Variants in TGM2 observed in about 807,000 individuals in gnomAD.
The protein encoded by TGM2 is protein-glutamine gamma-glutamyltransferase 2.
Under a neutral mutation model 75.6 loss-of-function variants are expected in TGM2, and 53 were observed. The ratio of observed to expected loss-of-function variants is 0.70; its 90% CI spans 0.56 to 0.88. The LOEUF is 0.88. Ranked by LOEUF, TGM2 falls within the 40% of genes least tolerant of loss-of-function variation. The probability of loss-of-function intolerance (pLI) is 0.00; values close to 1 mark genes in which losing one functional copy is unlikely to be tolerated. For missense variants in TGM2, 842 were observed against 928.5 expected, an observed-to-expected ratio of 0.91 and a Z score of 1.21; for synonymous variants, 374 against 381.1, an observed-to-expected ratio of 0.98 and a Z score of 0.22.
intron 5 of TGM2, among the ~76,000 whole-genome samples, 170 bp from the exon 6 acceptor site, chr20:38,147,064 G>A (rs2075055347): frequency 6.6e-6 from 1 of 152,106 alleles, no homozygotes; most frequent in Admixed American, 6.5e-5. Flanking sequence ...GCGGCAGATG[G>A]TGGGGGCTGG....
intron 11 of TGM2, among the ~76,000 whole-genome samples, chr20:38,131,513 G>T (rs1412744017): frequency 1.3e-5 from 2 of 152,094 alleles, no homozygotes; most frequent in Non-Finnish European, 2.9e-5. Context: ...AAGATCACAG[G>T]CTTTTGAGCC....
At position 38,131,115 on chromosome 20, in the gene TGM2, C is replaced by T. The variant is rs755802231; in HGVS notation, c.1891G>A (p.Glu631Lys). Residue 631 changes from glutamate to lysine, a missense_variant, in exon 12 of 13, where the codon GAG becomes AAG. By Grantham distance (56) the Glu-to-Lys change is moderately conservative (BLOSUM62 1). Coordinates refer to ENST00000361475, the MANE Select transcript of TGM2 (RefSeq NM_004613.4). The part of the protein sequence containing the change: ...TFTVEGAGLT[E>K]EQKTVEIPDP... ...TACATCTCCACCGTCTTCTGCTCCT[C>T]AGTCAGGCCGGCCCCCTCCACAGTG... 6.2e-7 allele frequency: 1 copy of T among 1,613,090 alleles called. No individual in the cohort carries two copies. Among genetic ancestry groups the T allele is most frequent in the East Asian group, 2.2e-5 (1 of 44,882 alleles).
rs1055587931 is a variant in TGM2 at position 38,128,685 on chromosome 20, T to C, written c.*1534A>G. 6.6e-6 allele frequency: 1 copy of C among 152,216 alleles called. No individual in the cohort carries two copies. The highest frequency in any genetic ancestry group is 1.5e-5 in the Non-Finnish European group (1 of 68,028). The allele number at this position is 152,216 out of a possible 1,614,324, so 9.4% of individuals were successfully genotyped here. On this transcript the variant is annotated 3_prime_UTR_variant, in exon 13 of 13. Transcript: ENST00000361475. ...TTCTCTCCAAGTCCTTCCCTGGGAT[T>C]TGGGGGGCCCTGGAGGCTGTGATCT...
In TGM2 at chr20:38,130,034, G is replaced by A. The variant is rs762427726; in HGVS notation, c.*185C>T. ...GCATTCCTCACAGCAAAGGGGGTGAGTGGGGACCCACAGGCTCAGGAGGCT... is the reference window on the plus strand; with the variant it reads ...GCATTCCTCACAGCAAAGGGGGTGAATGGGGACCCACAGGCTCAGGAGGCT... On this transcript the variant is annotated 3_prime_UTR_variant, in exon 13 of 13. Coordinates refer to ENST00000361475, the MANE Select transcript of TGM2 (RefSeq NM_004613.4). 3 of 734,418 alleles carry A rather than the reference G, an allele frequency of 4.1e-6. No homozygotes were observed. The highest frequency in any genetic ancestry group is 1.8e-5 in the African/African-American group (1 of 56,760). 45.5% of individuals were successfully genotyped at this position (734,418 alleles called of 1,614,324 possible).
In TGM2 at chr20:38,147,853, A is replaced by C. The variant is rs145033775; in HGVS notation, c.681+108T>G. ...AAGGTCTTTTCCCCAAGACTTACCC[A>C]TCTCCCGGGTCCCCCACCGCGCCTA... On this transcript the variant is annotated intron_variant, in intron 5 of 12. Transcript: ENST00000361475. 6.0e-5 allele frequency: 89 copies of C among 1,491,406 alleles called. No individual in the cohort carries two copies. In the African/African-American group the frequency reaches 1.1e-3, roughly 18 times the overall value. The allele number at this position is 1,491,406 out of a possible 1,614,324, so 92.4% of individuals were successfully genotyped here. A position where few individuals can be genotyped will look rare whatever the true frequency, so the allele number is the denominator to read the frequency against.
chr20:38,150,810 T>C (rs1186476913), intron 4 of TGM2, 129 bp downstream of exon 4: 5 of 811,986 alleles, frequency 6.2e-6, no homozygotes, highest in East Asian at 2.5e-5. Context: ...GGCCTTTGCA[T>C]CCCTGACAGC....
At chr20:38,141,844 G>A (rs2074979099) in intron 7 of TGM2, among the ~76,000 whole-genome samples, 1 of 151,570 alleles carries the variant, frequency 6.6e-6, no homozygotes, top group African/African-American at 2.4e-5. Flanking sequence ...CCCCTAATGT[G>A]GCATTCCAGA....
At position 38,129,004 on chromosome 20, in the gene TGM2, G is replaced by A. The variant is rs944155020; in HGVS notation, c.*1215C>T. On this transcript the variant is annotated 3_prime_UTR_variant, in exon 13 of 13. Transcript: ENST00000361475. ...CTCTTCTCCCCTAGAACTGGGGTCT[G>A]AAGGGTGGTACCTGGGCATAGGAAG... 9 of 152,518 alleles carry A rather than the reference G, an allele frequency of 5.9e-5. No homozygotes were observed. The highest frequency in any genetic ancestry group is 2.2e-4 in the African/African-American group (9 of 41,428). 9.4% of individuals were successfully genotyped at this position (152,518 alleles called of 1,614,324 possible). A position where few individuals can be genotyped will look rare whatever the true frequency, so the allele number is the denominator to read the frequency against.
chr20:38,144,800 C>G (rs1427264452), intron 6 of TGM2, among the ~76,000 whole-genome samples: 2 of 152,184 alleles, frequency 1.3e-5, no homozygotes, highest in Non-Finnish European at 2.9e-5. Flanking sequence ...CCACAGTGGT[C>G]AGACAGCCCT....
intron 1 of TGM2, among the ~76,000 whole-genome samples, chr20:38,164,599 A>G (rs959587921): frequency 2.0e-5 from 3 of 152,178 alleles, no homozygotes; most frequent in Admixed American, 1.3e-4. Flanking sequence ...ACCTTGTCCT[A>G]TAAAATAAGG....
intron 10 of TGM2, among the ~76,000 whole-genome samples, chr20:38,137,166 GCTGT>G (rs1225147494): frequency 3.3e-5 from 5 of 152,344 alleles, no homozygotes; most frequent in South Asian, 4.1e-4. Context: ...GCCACATGTG[GCTGT>G]CTAACTTTCA....
intron 10 of TGM2, 111 bp from the exon 11 acceptor site, chr20:38,132,611 C>A: frequency 6.9e-7 from 1 of 1,445,982 alleles, no homozygotes. Context: ...GGTCACACAG[C>A]GGGGGAATGG....
At chr20:38,142,290 C>T in intron 6 of TGM2, 91 bp from the exon 7 acceptor site, 1 of 1,577,430 alleles carries the variant, frequency 6.3e-7, no homozygotes. Flanking sequence ...CCAGGGAACA[C>T]TGTACCTGCT....
chr20:38,150,163 A>C (rs1383963743), intron 4 of TGM2, among the ~76,000 whole-genome samples: 1 of 152,202 alleles, frequency 6.6e-6, no homozygotes, highest in Non-Finnish European at 1.5e-5. Flanking sequence ...ATGATAAATG[A>C]AATTTATCAT....
At chr20:38,159,027 G>A (rs4811528) in intron 2 of TGM2, among the ~76,000 whole-genome samples, 105,828 of 152,052 alleles carry the variant, frequency 0.7, 37,092 homozygotes, top group Non-Finnish European at 0.75. Context: ...GGAAGTGACC[G>A]GGGCAGGTTG....
chr20:38,150,776 T>C (rs965104928), intron 4 of TGM2, among the ~76,000 whole-genome samples, 163 bp downstream of exon 4: 3 of 152,234 alleles, frequency 2.0e-5, no homozygotes, highest in Non-Finnish European at 4.4e-5. Context: ...GCCTTGGCCC[T>C]CTCTGAACCT....
intron 10 of TGM2, chr20:38,133,004 C>T (rs866748002): frequency 5.3e-6 from 2 of 374,472 alleles, no homozygotes; most frequent in Middle Eastern, 1.6e-3. Context: ...TACATGACAA[C>T]CCTAAAAGGC....
At chr20:38,140,386 A>G (rs1012012942) in intron 8 of TGM2, among the ~76,000 whole-genome samples, 9 of 152,226 alleles carry the variant, frequency 5.9e-5, no homozygotes, top group Non-Finnish European at 1.0e-4. Context: ...CAGAGCTGGG[A>G]AAAAATGTTC....
At chr20:38,146,571 G>T in intron 6 of TGM2, 146 bp downstream of exon 6, 1 of 907,600 alleles carries the variant, frequency 1.1e-6, no homozygotes, top group South Asian at 1.4e-5. Context: ...GACCGGAGAG[G>T]GTGGTCACAG....
Sources: gnomAD v4.1 joint callset for allele counts (sites outside exome capture counted in the v4.1 genomes callset) on GRCh38, gnomAD v4.1.1 for gene constraint, MANE v1.5 for transcripts, NCBI Gene and HGNC (gene_info 2026-07-23, HGNC 2026-07-21) for gene names.